The following PXDN variants were observed in gnomAD, a reference collection of about 807,000 sequenced individuals.
PXDN encodes peroxidasin homolog.
A neutral mutation model predicts 140.3 loss-of-function variants in PXDN; 77 were observed. The observed-to-expected ratio is 0.55, with a 90% CI of 0.46 to 0.66. The LOEUF (loss-of-function observed/expected upper bound fraction) is 0.66. PXDN is among the 30% of genes least tolerant of loss of function. The pLI, the probability that PXDN is intolerant of heterozygous loss-of-function variation, is 0.00. For missense variants in PXDN, 1,838 were observed against 2,039.5 expected, an observed-to-expected ratio of 0.90 and a Z score of 1.90; for synonymous variants, 911 against 857.4, an observed-to-expected ratio of 1.06 and a Z score of -1.09.
intron 1 of PXDN, among the ~76,000 whole-genome samples, chr2:1,743,698 G>T (rs1189306971): frequency 1.8e-5 from 1 of 55,834 alleles, no homozygotes; most frequent in Non-Finnish European, 3.2e-5. Context: ...GGAGGAGGAG[G>T]AAGGGGAGGA....
Position 1,664,958 on chromosome 2 carries a change from C to G in PXDN, c.1408G>C (p.Gly470Arg). The change falls in exon 11 of 23, where the codon GGG (glycine) becomes CGG (arginine). Residue 470 changes from glycine to arginine, a missense_variant and splice_region_variant. Physicochemically the swap from Gly to Arg is moderately radical, Grantham distance 125. This residue lies in a region of PXDN where 537 missense variants were observed against 583.9 expected (regional missense o/e 0.92). Coordinates refer to ENST00000252804, the MANE Select transcript of PXDN (RefSeq NM_012293.3). ...GGCAAAGGGCCGGCCTGGGTCTTAC[C>G]TCCCTTGGTCCAGGCGATGACGGGC... ...PPPVIAWTKG[G>R]SQLSVDRRHL... 6.2e-7 allele frequency: 1 copy of G among 1,602,138 alleles called. No individual in the cohort carries two copies.
In PXDN at chr2:1,644,627, T is replaced by C; in HGVS notation, c.3734A>G (p.Asp1245Gly). The change falls in exon 18 of 23, where the codon GAT becomes GGT. Residue 1245 changes from aspartate (D) to glycine (G), a missense_variant. Physicochemically the swap from Asp to Gly is moderately conservative, Grantham distance 94. Coordinates refer to ENST00000252804, the MANE Select transcript of PXDN (RefSeq NM_012293.3). The stretch of plus-strand genomic sequence containing the variant: ...TGGTGCACGTGCTCACCTGTCCCCA[T>C]CTCGCAGGCGCTTGAACTGTGTGCT... The part of the protein sequence containing the change: ...LLSTQFKRLR[D>G]GDRLWYENPG... 2 of 1,599,964 alleles carry C rather than the reference T, an allele frequency of 1.3e-6. 1 individual carries two copies. The highest frequency in any genetic ancestry group is 3.3e-4 in the Middle Eastern group (2 of 5,998).
intron 1 of PXDN, among the ~76,000 whole-genome samples, chr2:1,708,229 T>C (rs1224669224): frequency 6.6e-6 from 1 of 152,234 alleles, no homozygotes; most frequent in Non-Finnish European, 1.5e-5. Flanking sequence ...CCTCTGTCCC[T>C]GCCATTGTTC....
rs151054868 is a variant in PXDN at position 1,684,087 on chromosome 2, C to T, written c.481G>A (p.Glu161Lys). Residue 161 changes from glutamate to lysine, a missense_variant, in exon 5 of 23, where the codon GAG (glutamate) becomes AAG (lysine). Glu to Lys is a moderately conservative substitution (Grantham distance 56). Coordinates refer to ENST00000252804, the MANE Select transcript of PXDN (RefSeq NM_012293.3). ...GAACAACACACAACTCACAGCCTCT[C>T]GAGCTTCGGGAGATGCTGGAACGAA... ...PDSFQHLPKL[E>K]RLFLHNNRIT... is the part of the protein sequence containing the mutation. The T allele has an allele frequency of 2.0e-4, 317 of 1,580,872 alleles. 3 individuals carry two copies. In the East Asian group the frequency reaches 6.0e-3, roughly 30 times the overall value.
chr2:1,708,546 CG>C, intron 1 of PXDN, among the ~76,000 whole-genome samples: 1 of 152,132 alleles, frequency 6.6e-6, no homozygotes, highest in Admixed American at 6.5e-5. Flanking sequence ...AAACAGAGGC[CG>C]GGGAGGTTCC....
chr2:1,683,754 C>G, intron 5 of PXDN, 27 bp from the exon 6 acceptor site: 2 of 1,525,924 alleles, frequency 1.3e-6, no homozygotes, highest in South Asian at 2.5e-5. Context: ...TATAACAAAC[C>G]AATTTTGAAA....
intron 16 of PXDN, 165 bp downstream of exon 16, chr2:1,653,463 T>A (rs990795249): frequency 3.4e-5 from 36 of 1,061,392 alleles, no homozygotes; most frequent in Non-Finnish European, 5.0e-5. Context: ...GCGACAGGGC[T>A]GTAGGGCTCA....
In PXDN at chr2:1,744,278, C is replaced by A; in HGVS notation, c.178G>T (p.Val60Leu). Residue 60 changes from valine (V) to leucine (L), a missense_variant, in exon 1 of 23, where the codon GTG becomes TTG. By Grantham distance (32) the Val-to-Leu change is conservative. Transcript: ENST00000252804. Reference protein sequence around the residue: ...MHLLLEAVPAVAPQTSILDLR... With the variant: ...MHLLLEAVPALAPQTSILDLR... ...CACAGGATGGAGGTCTGCGGCGCCACGGCGGGCACGGCCTCCAGCAGCAGA... is the reference window on the plus strand; with the variant it reads ...CACAGGATGGAGGTCTGCGGCGCCAAGGCGGGCACGGCCTCCAGCAGCAGA... The A allele has an allele frequency of 6.6e-7, 1 of 1,519,190 alleles. No homozygotes were observed. The highest frequency in any genetic ancestry group is 8.8e-7 in the Non-Finnish European group (1 of 1,139,482). The allele number at this position is 1,519,190 out of a possible 1,614,324, so 94.1% of individuals were successfully genotyped here. A position where few individuals can be genotyped will look rare whatever the true frequency, so the allele number is the denominator to read the frequency against.
In PXDN at chr2:1,727,467, G is replaced by C. The variant is rs575929195; in HGVS notation, c.200+16789C>G. Among the ~76,000 whole-genome samples, 3 of 152,302 alleles carry C rather than the reference G, an allele frequency of 2.0e-5. No individual in the cohort carries two copies. The South Asian group carries it at 6.2e-4, about 32-fold the overall frequency. ...TCACTCCTCAGGACCCCTACAGATG[G>C]GGAAGCCGAGGCTTCAAGGGGTGCG... On this transcript the variant is annotated intron_variant, in intron 1 of 22. Coordinates refer to ENST00000252804, the MANE Select transcript of PXDN (RefSeq NM_012293.3).
intron 19 of PXDN, among the ~76,000 whole-genome samples, chr2:1,640,646 AGAG>A (rs1177835927): frequency 6.6e-6 from 1 of 152,230 alleles, no homozygotes; most frequent in Non-Finnish European, 1.5e-5. Flanking sequence ...TCTCAGGAGC[AGAG>A]AAGAGCAGAG....
intron 1 of PXDN, among the ~76,000 whole-genome samples, chr2:1,711,336 C>A (rs1198957533): frequency 5.6e-5 from 3 of 53,312 alleles, no homozygotes; most frequent in Non-Finnish European, 9.0e-5. Context: ...CCCGCTCCAC[C>A]AGCACCCACT....
In PXDN at chr2:1,649,733, C is replaced by T. The variant is rs7569808; in HGVS notation, c.2105-58G>A. 2,995 of 1,582,536 alleles carry T rather than the reference C, an allele frequency of 1.9e-3. 45 individuals are homozygous for T. The African/African-American group carries it at 0.036, about 19-fold the overall frequency. On this transcript the variant is annotated intron_variant, in intron 16 of 22. Transcript: ENST00000252804. This position sits in a 1 kb window ranked among gnomAD's most constrained non-coding sequence, Gnocchi z 7.1. ...TTCCCCTGGAGGATGTGTGAGGGCC[C>T]GGTACCCCTTGGCACCTCTGCCGCT...
Position 1,639,779 on chromosome 2 carries a change from G to C in PXDN, c.3953-357C>G, listed in dbSNP as rs954374178. ...TCGGAGATCAGAGTCTGCTGTTTCT[G>C]GGGGTCCCTCCCCGATGGCCAGATG... On this transcript the variant is annotated intron_variant, in intron 19 of 22. Coordinates refer to ENST00000252804, the MANE Select transcript of PXDN (RefSeq NM_012293.3). This position sits in a 1 kb window ranked among gnomAD's most constrained non-coding sequence, Gnocchi z 5.0. Among the ~76,000 whole-genome samples, 3 of 152,322 alleles carry C rather than the reference G, an allele frequency of 2.0e-5. No individual in the cohort carries two copies. Among genetic ancestry groups the C allele is most frequent in the African/African-American group, 7.2e-5 (3 of 41,572 alleles).
Position 1,733,748 on chromosome 2 carries a change from C to CAAAA in PXDN, c.200+10504_200+10507dup, listed in dbSNP as rs72208257. 2.5e-3 allele frequency among the ~76,000 whole-genome samples: 199 copies of CAAAA among 79,206 alleles called. 2 individuals are homozygous for CAAAA. The highest frequency in any genetic ancestry group is 8.6e-3 in the Middle Eastern group (1 of 116). 52.0% of individuals were successfully genotyped at this position (79,206 alleles called of 152,430 possible). A position where few individuals can be genotyped will look rare whatever the true frequency, so the allele number is the denominator to read the frequency against. On this transcript the variant is annotated intron_variant, in intron 1 of 22. Transcript: ENST00000252804. Reference sequence around the variant, plus strand: ...CAGAGCAAGATTCTGTGTCAAATGACAAAAAAAAAAAAAAAAAAAGCAGTG... The same window carrying CAAAA: ...CAGAGCAAGATTCTGTGTCAAATGACAAAAAAAAAAAAAAAAAAAAAAAGCAGTG...
At chr2:1,645,137 GTATA>G (rs1305474147) in intron 17 of PXDN, among the ~76,000 whole-genome samples, 2 of 152,024 alleles carry the variant, frequency 1.3e-5, no homozygotes, top group Admixed American at 1.3e-4. Context: ...ATAGCTAAAT[GTATA>G]TAGTTTATTG....
Position 1,710,728 on chromosome 2 carries a change from CCCTCT to C in PXDN, c.201-17599_201-17595del, listed in dbSNP as rs1558520692. On this transcript the variant is annotated intron_variant, in intron 1 of 22. Transcript: ENST00000252804. ...TCCACCAGCACCCACTCCACCAGCA[CCCTCT>C]CCACCAGCACCCACTCCACCAGCAC... Among the ~76,000 whole-genome samples, 33 of 133,322 alleles carry C rather than the reference CCCTCT, an allele frequency of 2.5e-4. 1 individual carries two copies. The highest frequency in any genetic ancestry group is 9.0e-4 in the African/African-American group (31 of 34,424). 87.5% of individuals were successfully genotyped at this position (133,322 alleles called of 152,430 possible).
intron 17 of PXDN, 76 bp from the exon 18 acceptor site, chr2:1,644,828 GTTCT>G (rs559337008): frequency 1.2e-4 from 149 of 1,291,454 alleles, no homozygotes; most frequent in African/African-American, 3.5e-4. Flanking sequence ...TATAAAAACA[GTTCT>G]TTCTTTCTAT....
At position 1,667,512 on chromosome 2, in the gene PXDN, G is replaced by C. The variant is rs111581957; in HGVS notation, c.1019-1026C>G. Reference sequence around the variant, plus strand: ...AAATAGGAAGAGAGGAAGTCAAATTGTCTCTGTTTGCAGACGACATGATTG... The same window carrying C: ...AAATAGGAAGAGAGGAAGTCAAATTCTCTCTGTTTGCAGACGACATGATTG... On this transcript the variant is annotated intron_variant, in intron 9 of 22. Coordinates refer to ENST00000252804, the MANE Select transcript of PXDN (RefSeq NM_012293.3). Among the ~76,000 whole-genome samples the C allele has an allele frequency of 5.6e-3, 852 of 152,230 alleles. 5 individuals carry two copies. The highest frequency in any genetic ancestry group is 0.019 in the African/African-American group (787 of 41,538).
intron 1 of PXDN, among the ~76,000 whole-genome samples, chr2:1,738,474 C>T (rs990627424): frequency 1.3e-5 from 2 of 152,154 alleles, no homozygotes; most frequent in Admixed American, 1.3e-4. Flanking sequence ...AGGAAAAACA[C>T]CTGGATTCTC....
Sources: gnomAD v4.1 joint callset for allele counts (sites outside exome capture counted in the v4.1 genomes callset) on GRCh38, gnomAD v4.1.1 for gene constraint, gnomAD v4.1.1 regional missense constraint, Gnocchi (gnomAD v3.1) non-coding constraint, MANE v1.5 for transcripts, NCBI Gene and HGNC (gene_info 2026-07-23, HGNC 2026-07-21) for gene names.